Variants in GLI2 observed in about 807,000 individuals in gnomAD.
GLI2 encodes GLI family zinc finger 2.
In GLI2, 22 loss-of-function variants were observed where a neutral mutation model predicts 78.9. That is an observed-to-expected ratio of 0.28 (90% confidence interval 0.20 to 0.40). The LOEUF is 0.40. Ranked by LOEUF, GLI2 falls within the 10% of genes least tolerant of loss-of-function variation. GLI2 has a pLI of 1.00. For synonymous variants in GLI2, 974 were observed against 963.7 expected (o/e 1.01, Z -0.20); for missense variants, 2,097 against 2,213.2 (o/e 0.95, Z 1.05).
In GLI2 at chr2:120,970,592, A is replaced by G. The variant is rs1682098400; in HGVS notation, c.1045A>G (p.Ser349Gly). The change falls in exon 7 of 14, where the codon AGT becomes GGT. Residue 349 changes from serine (S) to glycine (G), a missense_variant. Physicochemically the swap from Ser to Gly is moderately conservative, Grantham distance 56. Coordinates refer to ENST00000361492, the MANE Select transcript of GLI2 (RefSeq NM_001374353.1). ...GCTCAGCAGCAGCAGCAACTGTCTG[A>G]GTGACACCAACCAGGTAGGTGGGTG... The part of the protein sequence containing the change: ...TQLSSSSNCL[S>G]DTNQNKQSSE... 3 of 1,613,922 alleles carry G rather than the reference A, an allele frequency of 1.9e-6. No individual in the cohort carries two copies. The highest frequency in any genetic ancestry group is 1.3e-5 in the African/African-American group (1 of 74,932).
chr2:120,856,737 G>C (rs564796950), intron 2 of GLI2, among the ~76,000 whole-genome samples: 1 of 152,216 alleles, frequency 6.6e-6, no homozygotes, highest in African/African-American at 2.4e-5. Context: ...GCAGACCAGC[G>C]CTTTCCTGGG....
In GLI2 at chr2:120,793,522, C is replaced by G. The variant is rs957558392; in HGVS notation, c.-30-3769C>G. 3.9e-5 allele frequency among the ~76,000 whole-genome samples: 6 copies of G among 152,146 alleles called. 1 individual carries two copies. Among genetic ancestry groups the G allele is most frequent in the Admixed American group, 3.3e-4 (5 of 15,286 alleles). On this transcript the variant is annotated intron_variant, in intron 1 of 13. Coordinates refer to ENST00000361492, the MANE Select transcript of GLI2 (RefSeq NM_001374353.1). Reference sequence around the variant, plus strand: ...GGGGAGTGAAAGTGGCTGCCTGGGACCCTGGGCGCCTGGTGTTTACCTAGA... The same window carrying G: ...GGGGAGTGAAAGTGGCTGCCTGGGAGCCTGGGCGCCTGGTGTTTACCTAGA...
chr2:120,785,139 C>T (rs11122816), intron 1 of GLI2, among the ~76,000 whole-genome samples: 53,879 of 152,018 alleles, frequency 0.35, 10,390 homozygotes, highest in African/African-American at 0.5. Context: ...GACACCTGGC[C>T]TGGGCTGCGA....
intron 1 of GLI2, among the ~76,000 whole-genome samples, chr2:120,775,365 A>G (rs987456635): frequency 3.9e-5 from 6 of 152,212 alleles, no homozygotes; most frequent in Admixed American, 3.9e-4. Flanking sequence ...TGTGTTATTT[A>G]TGTAGCCTCA....
chr2:120,827,271 C>T (rs543782041), intron 2 of GLI2, among the ~76,000 whole-genome samples: 15 of 152,268 alleles, frequency 9.9e-5, no homozygotes, highest in East Asian at 3.9e-4. Context: ...GTGGTGAGCC[C>T]GGCGTCTCTA....
intron 1 of GLI2, among the ~76,000 whole-genome samples, chr2:120,767,320 AGGGTGCTGGGCT>A (rs1325691598): frequency 9.7e-6 from 1 of 103,486 alleles, no homozygotes; most frequent in East Asian, 3.3e-4. Context: ...TGTGCTGAGC[AGGGTGCTGGGCT>A]GGGTGCTGGT....
Position 120,785,602 on chromosome 2 carries a change from C to T in GLI2, c.-30-11689C>T, listed in dbSNP as rs1196711232. Among the ~76,000 whole-genome samples the T allele has an allele frequency of 2.0e-5, 3 of 152,184 alleles. No individual in the cohort carries two copies. In the East Asian group the frequency reaches 5.8e-4, roughly 29 times the overall value. Reference sequence around the variant, plus strand: ...AGAGCTACCACCCTGGATCTGCAGTCAGCACTCCCACCCCTGCCCTGCCCC... The same window carrying T: ...AGAGCTACCACCCTGGATCTGCAGTTAGCACTCCCACCCCTGCCCTGCCCC... On this transcript the variant is annotated intron_variant, in intron 1 of 13. Coordinates refer to ENST00000361492, the MANE Select transcript of GLI2 (RefSeq NM_001374353.1).
chr2:120,769,747 CTG>C (rs1296409458), intron 1 of GLI2, among the ~76,000 whole-genome samples: 1 of 152,118 alleles, frequency 6.6e-6, no homozygotes, highest in Non-Finnish European at 1.5e-5. Flanking sequence ...TTGCTTGCGT[CTG>C]TATGTGAGTG....
intron 1 of GLI2, among the ~76,000 whole-genome samples, chr2:120,740,782 G>A (rs1682510405): frequency 6.6e-6 from 1 of 152,208 alleles, no homozygotes; most frequent in African/African-American, 2.4e-5. Context: ...GAAATAAAGG[G>A]GACTTTTTAT....
intron 7 of GLI2, among the ~76,000 whole-genome samples, chr2:120,971,408 A>G (rs770730870): frequency 6.6e-6 from 1 of 152,254 alleles, no homozygotes; most frequent in African/African-American, 2.4e-5. Flanking sequence ...CATGTCCTCT[A>G]GAAGTGTCCT....
At chr2:120,872,589 C>T (rs1169783280) in intron 2 of GLI2, among the ~76,000 whole-genome samples, 4 of 152,216 alleles carry the variant, frequency 2.6e-5, no homozygotes, top group African/African-American at 7.2e-5. Flanking sequence ...TGGAAGAGTC[C>T]ACAGGGAAGG....
At chr2:120,973,445 C>G (rs774482105) in intron 8 of GLI2, among the ~76,000 whole-genome samples, 1 of 152,210 alleles carries the variant, frequency 6.6e-6, no homozygotes, top group African/African-American at 2.4e-5. Flanking sequence ...CCTGGCTCTG[C>G]GCACGTGTCA....
At position 120,792,658 on chromosome 2, in the gene GLI2, C is replaced by T. The variant is rs368129341; in HGVS notation, c.-30-4633C>T. ...TATTTATTTGAGACAGAGTCTCACT[C>T]TGTCTCCAAGCTGGAGTGCAGTGGC... On this transcript the variant is annotated intron_variant, in intron 1 of 13. Transcript: ENST00000361492. 2.0e-3 allele frequency among the ~76,000 whole-genome samples: 304 copies of T among 152,312 alleles called. 2 individuals carry two copies. Among genetic ancestry groups the T allele is most frequent in the African/African-American group, 7.0e-3 (291 of 41,558 alleles).
At position 120,986,469 on chromosome 2, in the gene GLI2, C is replaced by T. The variant is rs1188983721; in HGVS notation, c.2097C>T (p.Gly699=). 6.2e-7 allele frequency: 1 copy of T among 1,614,072 alleles called. No individual in the cohort carries two copies. ...TSALAAPSAG[G]LQLRKHMTTM... ...CCCTGGCTGCCCCCTCCGCTGGTGG[C>T]CTCCAGCTGCGCAAACACATGACCA... The change falls in exon 13 of 14, where the codon GGC becomes GGT. Residue 699 remains glycine, a synonymous_variant. Transcript: ENST00000361492.
intron 2 of GLI2, among the ~76,000 whole-genome samples, chr2:120,840,059 C>T (rs1408680325): frequency 1.3e-5 from 2 of 152,030 alleles, no homozygotes; most frequent in East Asian, 1.9e-4. Flanking sequence ...GATTTTTAGC[C>T]TTCCTCCTTT....
intron 7 of GLI2, 138 bp from the exon 8 acceptor site, chr2:120,971,803 A>G: frequency 1.3e-6 from 1 of 774,892 alleles, no homozygotes; most frequent in African/African-American, 1.7e-5. Flanking sequence ...TGAGCTGGGG[A>G]CTCTATTTCT....
chr2:120,833,166 T>C (rs1243965835), intron 2 of GLI2, among the ~76,000 whole-genome samples: 1 of 152,050 alleles, frequency 6.6e-6, no homozygotes, highest in African/African-American at 2.4e-5. Flanking sequence ...TTCCTTTCCC[T>C]GTCCTAGCTC....
At chr2:120,782,199 T>C (rs923575532) in intron 1 of GLI2, among the ~76,000 whole-genome samples, 2 of 152,246 alleles carry the variant, frequency 1.3e-5, no homozygotes, top group Admixed American at 1.3e-4. Context: ...ATGGGTGTAC[T>C]TAACCCTGTA....
intron 3 of GLI2, among the ~76,000 whole-genome samples, chr2:120,930,816 G>A (rs1403741468): frequency 1.3e-5 from 2 of 152,236 alleles, no homozygotes; most frequent in Admixed American, 1.3e-4. Context: ...GTCCTTCCCT[G>A]TGTAGGTGGG....
Sources: gnomAD v4.1 joint callset for allele counts (sites outside exome capture counted in the v4.1 genomes callset) on GRCh38, gnomAD v4.1.1 for gene constraint, MANE v1.5 for transcripts, NCBI Gene and HGNC (gene_info 2026-07-23, HGNC 2026-07-21) for gene names.